WWOX: variants seen among roughly 807,000 people sequenced by gnomAD.
WWOX encodes the protein WW domain-containing oxidoreductase.
In WWOX, 69 loss-of-function variants were observed where a neutral mutation model predicts 46.2. The ratio of observed to expected loss-of-function variants is 1.49; its 90% CI spans 1.23 to 1.82. The LOEUF is 1.82. WWOX is among the 40% of genes most tolerant of loss of function. WWOX has a pLI of 0.00. For synonymous variants in WWOX, 359 were observed against 202.6 expected (o/e 1.77, Z -6.56); for missense variants, 919 against 542.6 (o/e 1.69, Z -6.89).
rs1369022073 is a variant in WWOX, at chr16:78,346,267, A to T, written c.517-40593A>T. ...GTGGAGAAATCACATTGTTTTAAAA[A>T]TACCTAATTACCTGCTGATAGACAT... On this transcript the variant is annotated intron_variant, in intron 5 of 8. Transcript: ENST00000566780. Among the ~76,000 whole-genome samples the T allele has an allele frequency of 1.7e-4, 21 of 121,710 alleles. 5 individuals are homozygous for T. Among genetic ancestry groups the T allele is most frequent in the Admixed American group, 8.8e-4 (11 of 12,520 alleles). 79.8% of individuals were successfully genotyped at this position (121,710 alleles called of 152,430 possible).
At chr16:78,568,708 T>C (rs766147225) in intron 8 of WWOX, among the ~76,000 whole-genome samples, 1 of 152,046 alleles carries the variant, frequency 6.6e-6, no homozygotes, top group African/African-American at 2.4e-5. Context: ...TTCCTGACCT[T>C]GAGTGATCTA....
chr16:78,201,144 G>A (rs1214058913), intron 5 of WWOX, among the ~76,000 whole-genome samples: 1 of 152,156 alleles, frequency 6.6e-6, no homozygotes, highest in Non-Finnish European at 1.5e-5. Context: ...TTGTCTTAAG[G>A]TGTTAAAATG....
chr16:78,730,206 A>G (rs1176369796), intron 8 of WWOX, among the ~76,000 whole-genome samples: 1 of 152,104 alleles, frequency 6.6e-6, no homozygotes, highest in Non-Finnish European at 1.5e-5. Context: ...CATATGGTCA[A>G]GTTGCTTCCC....
intron 5 of WWOX, among the ~76,000 whole-genome samples, chr16:78,250,458 C>T (rs2037954463): frequency 6.6e-6 from 1 of 151,952 alleles, no homozygotes; most frequent in Admixed American, 6.5e-5. Context: ...ATTTGACATG[C>T]CTGGCTAATT....
At chr16:78,406,047 G>C (rs2082523577) in intron 6 of WWOX, among the ~76,000 whole-genome samples, 1 of 151,958 alleles carries the variant, frequency 6.6e-6, no homozygotes, top group South Asian at 2.1e-4. Context: ...AACATTTTCT[G>C]AGGGTGTCTC....
At chr16:78,760,064 A>G (rs1446269088) in intron 8 of WWOX, among the ~76,000 whole-genome samples, 1 of 152,172 alleles carries the variant, frequency 6.6e-6, no homozygotes, top group Admixed American at 6.5e-5. Flanking sequence ...AGACATACCC[A>G]AAACTGGGTA....
At chr16:78,172,562 TTCTTTG>T (rs2035198256) in intron 5 of WWOX, among the ~76,000 whole-genome samples, 1 of 152,152 alleles carries the variant, frequency 6.6e-6, no homozygotes, top group African/African-American at 2.4e-5. Context: ...TTATTCATTG[TTCTTTG>T]ATCATTGTCT....
intron 8 of WWOX, among the ~76,000 whole-genome samples, chr16:78,581,275 G>A (rs1238601154): frequency 6.6e-6 from 1 of 152,144 alleles, no homozygotes; most frequent in Non-Finnish European, 1.5e-5. Context: ...TTGAGCATGT[G>A]GCTATTGTAT....
chr16:79,171,678 C>A (rs1218334513), intron 8 of WWOX, among the ~76,000 whole-genome samples: 1 of 152,082 alleles, frequency 6.6e-6, no homozygotes, highest in Non-Finnish European at 1.5e-5. Context: ...CCTTTTAATG[C>A]CATTTTGCTT....
At chr16:78,581,341 C>G (rs1449981351) in intron 8 of WWOX, among the ~76,000 whole-genome samples, 1 of 152,098 alleles carries the variant, frequency 6.6e-6, no homozygotes, top group Non-Finnish European at 1.5e-5. Context: ...TAGCATAATT[C>G]AAAATTCAAT....
chr16:78,757,335 C>A (rs998684678), intron 8 of WWOX, among the ~76,000 whole-genome samples: 1 of 151,984 alleles, frequency 6.6e-6, no homozygotes, highest in African/African-American at 2.4e-5. Flanking sequence ...TACCCCAGCA[C>A]CCCAGCACCC....
intron 4 of WWOX, among the ~76,000 whole-genome samples, chr16:78,136,018 T>C (rs2033778948): frequency 6.6e-6 from 1 of 152,224 alleles, no homozygotes; most frequent in Admixed American, 6.5e-5. Context: ...TGAGGCAGGC[T>C]GGAAATGGCA....
At chr16:78,129,242 C>G (rs756966554) in intron 4 of WWOX, among the ~76,000 whole-genome samples, 1 of 152,030 alleles carries the variant, frequency 6.6e-6, no homozygotes. Flanking sequence ...GGTGTGTCAT[C>G]ATCGCGACGC....
At chr16:78,657,850 T>C (rs1388559176) in intron 8 of WWOX, among the ~76,000 whole-genome samples, 1 of 152,172 alleles carries the variant, frequency 6.6e-6, no homozygotes, top group Non-Finnish European at 1.5e-5. Context: ...TTTTGTTTTT[T>C]TGTTTTTCGG....
chr16:78,406,327 T>TATAA (rs2082538689), intron 6 of WWOX, among the ~76,000 whole-genome samples: 2 of 86,170 alleles, frequency 2.3e-5, no homozygotes. Context: ...TATATATATA[T>TATAA]ATATATATAT....
At chr16:78,555,122 CTCTCTGTCTTTT>C (rs1323530924) in intron 8 of WWOX, among the ~76,000 whole-genome samples, 1 of 144,918 alleles carries the variant, frequency 6.9e-6, no homozygotes, top group Non-Finnish European at 1.5e-5. Context: ...ATCTCTCTTT[CTCTCTGTCTTTT>C]TCTCTTTCTC....
chr16:78,825,701 C>G lies in WWOX; in HGVS notation c.1057-385907C>G, dbSNP rs1034443883. ...GCCAAGCTGTGGTTTCTGGGAGACT[C>G]TGAGGACAGAGGGTCAAATCCATGA... On this transcript the variant is annotated intron_variant, in intron 8 of 8. Coordinates refer to ENST00000566780, the MANE Select transcript of WWOX (RefSeq NM_016373.4). 17 of 548,282 alleles carry G rather than the reference C, an allele frequency of 3.1e-5. No homozygotes were observed. In the East Asian group the frequency reaches 3.7e-4, roughly 12 times the overall value. The allele number at this position is 548,282 out of a possible 1,614,324, so 34.0% of individuals were successfully genotyped here. A position where few individuals can be genotyped will look rare whatever the true frequency, so the allele number is the denominator to read the frequency against.
chr16:79,097,388 G>A (rs2049098297), intron 8 of WWOX, among the ~76,000 whole-genome samples: 1 of 148,174 alleles, frequency 6.7e-6, no homozygotes, highest in Non-Finnish European at 1.5e-5. Context: ...TGCAGCCCAT[G>A]GCAGAAGAGT....
At chr16:78,874,473 T>G (rs2044193276) in intron 8 of WWOX, among the ~76,000 whole-genome samples, 1 of 151,944 alleles carries the variant, frequency 6.6e-6, no homozygotes, top group Admixed American at 6.6e-5. Context: ...TTCAAAAAAT[T>G]ATGGACTTGT....
Sources: allele counts gnomAD v4.1 joint callset (sites outside exome capture counted in the v4.1 genomes callset), GRCh38; gene constraint gnomAD v4.1.1; transcripts MANE v1.5; gene names NCBI Gene and HGNC (gene_info 2026-07-23, HGNC 2026-07-21).